ASIC2: variants seen among roughly 807,000 people sequenced by gnomAD.
The protein encoded by ASIC2 is acid sensing ion channel subunit 2.
Under a neutral mutation model 57.3 loss-of-function variants are expected in ASIC2, and 25 were observed. That is an observed-to-expected ratio of 0.44 (90% CI 0.32 to 0.61). The LOEUF (loss-of-function observed/expected upper bound fraction) is 0.61. Among genes scored for constraint, ASIC2 ranks in the 20% least tolerant of loss-of-function variants. The probability of loss-of-function intolerance (pLI) is 0.06; values close to 1 mark genes in which losing one functional copy is unlikely to be tolerated. For missense variants in ASIC2, 641 were observed against 738.1 expected (o/e 0.87, Z 1.52); for synonymous variants, 319 against 307.5 (o/e 1.04, Z -0.39).
chr17:34,093,296 A>T (rs1910399694), intron 1 of ASIC2, among the ~76,000 whole-genome samples: 1 of 152,106 alleles, frequency 6.6e-6, no homozygotes, highest in Non-Finnish European at 1.5e-5. Flanking sequence ...CTCCATGCTT[A>T]GACTCCTGTG....
chr17:34,025,380 A>T (rs947104686), intron 1 of ASIC2, among the ~76,000 whole-genome samples: 2 of 152,154 alleles, frequency 1.3e-5, no homozygotes, highest in Non-Finnish European at 2.9e-5. Flanking sequence ...ATACCTTAGA[A>T]AGTTGCACCC....
At chr17:33,053,070 G>A (rs984559016) in intron 3 of ASIC2, among the ~76,000 whole-genome samples, 2 of 152,334 alleles carry the variant, frequency 1.3e-5, no homozygotes, top group East Asian at 3.9e-4. Context: ...TGCAATGTGA[G>A]TGAGAAACAC....
chr17:33,313,750 C>A (rs891112441), intron 1 of ASIC2, among the ~76,000 whole-genome samples: 6 of 152,058 alleles, frequency 3.9e-5, no homozygotes, highest in African/African-American at 1.4e-4. Flanking sequence ...ATTACACATG[C>A]CGTTTGAAGA....
chr17:33,917,230 G>T (rs775681111), intron 1 of ASIC2, among the ~76,000 whole-genome samples: 3 of 151,988 alleles, frequency 2.0e-5, no homozygotes, highest in Non-Finnish European at 2.9e-5. Flanking sequence ...TTTCAATTTT[G>T]CTTTCCCTAC....
chr17:34,123,363 G>C (rs1911683113), intron 1 of ASIC2, among the ~76,000 whole-genome samples: 1 of 152,158 alleles, frequency 6.6e-6, no homozygotes, highest in Admixed American at 6.5e-5. Flanking sequence ...CGGCTCCACT[G>C]CAATGTCATT....
intron 1 of ASIC2, among the ~76,000 whole-genome samples, chr17:34,131,970 G>T (rs966324031): frequency 6.6e-6 from 1 of 152,102 alleles, no homozygotes; most frequent in Non-Finnish European, 1.5e-5. Context: ...GGACATTTTG[G>T]AAACTTTTGT....
intron 1 of ASIC2, among the ~76,000 whole-genome samples, chr17:33,333,932 C>T (rs1038441222): frequency 1.3e-5 from 2 of 152,188 alleles, no homozygotes; most frequent in Non-Finnish European, 2.9e-5. Flanking sequence ...AAACAAAAAG[C>T]CAGTTTGTGA....
chr17:33,829,048 C>T lies in ASIC2; in HGVS notation c.555+326930G>A, dbSNP rs115450032. Among the ~76,000 whole-genome samples, 712 of 152,266 alleles carry T rather than the reference C, an allele frequency of 4.7e-3. 6 individuals are homozygous for T. Among genetic ancestry groups the T allele is most frequent in the African/African-American group, 0.016 (685 of 41,548 alleles). On this transcript the variant is annotated intron_variant, in intron 1 of 9. Coordinates refer to the ASIC2 transcript ENST00000359872. ...GAGATGTGTGTGGTTTACTTAAAGC[C>T]AAAATGAACTACAACAACCACTAGT...
At chr17:33,373,884 G>T (rs1009821395) in intron 1 of ASIC2, among the ~76,000 whole-genome samples, 1 of 152,130 alleles carries the variant, frequency 6.6e-6, no homozygotes. Context: ...TGCCATGTTG[G>T]CCAGACTGCT....
At chr17:33,322,263 C>G (rs1779593774) in intron 1 of ASIC2, among the ~76,000 whole-genome samples, 1 of 152,164 alleles carries the variant, frequency 6.6e-6, no homozygotes, top group African/African-American at 2.4e-5. Context: ...AGGAATGAGT[C>G]TGAATCACCC....
At chr17:33,991,337 G>T (rs1450024044) in intron 1 of ASIC2, among the ~76,000 whole-genome samples, 1 of 152,182 alleles carries the variant, frequency 6.6e-6, no homozygotes, top group Admixed American at 6.5e-5. Context: ...CCCTGCTGGG[G>T]AGAGCCAGGA....
chr17:33,830,987 G>A (rs569140640), intron 1 of ASIC2, among the ~76,000 whole-genome samples: 1 of 151,528 alleles, frequency 6.6e-6, no homozygotes, highest in African/African-American at 2.4e-5. Context: ...GCATGCACCT[G>A]TAATCCCAGC....
chr17:33,128,710 G>A (rs2092334177), intron 1 of ASIC2, among the ~76,000 whole-genome samples: 1 of 152,190 alleles, frequency 6.6e-6, no homozygotes. Context: ...TGTGGGTGAG[G>A]TGCCTCTCTA....
intron 1 of ASIC2, among the ~76,000 whole-genome samples, chr17:33,228,906 G>T (rs1907986001): frequency 6.6e-6 from 1 of 152,238 alleles, no homozygotes; most frequent in African/African-American, 2.4e-5. Context: ...CCAGGAGCTG[G>T]ATCTCAGAGC....
intron 1 of ASIC2, among the ~76,000 whole-genome samples, chr17:33,780,779 C>A (rs1350062943): frequency 6.6e-6 from 1 of 152,122 alleles, no homozygotes; most frequent in Non-Finnish European, 1.5e-5. Flanking sequence ...GCGGGAGGGC[C>A]CTTCAGGGAG....
chr17:33,303,520 G>A (rs1288904002), intron 1 of ASIC2, among the ~76,000 whole-genome samples: 1 of 152,144 alleles, frequency 6.6e-6, no homozygotes, highest in Non-Finnish European at 1.5e-5. Flanking sequence ...ATTACACACC[G>A]ACAGCAACTA....
Position 33,527,890 on chromosome 17 carries a change from G to A in ASIC2, c.556-415823C>T, listed in dbSNP as rs1194402331. The stretch of plus-strand genomic sequence containing the variant: ...GGCCTCTGACTCCCATTGGACAGAG[G>A]GTAGGACTGGATTAGATGATCTTTA... On this transcript the variant is annotated intron_variant, in intron 1 of 9. Transcript: ENST00000359872. Among the ~76,000 whole-genome samples, 5 of 152,208 alleles carry A rather than the reference G, an allele frequency of 3.3e-5. No individual in the cohort carries two copies. The East Asian group carries it at 7.8e-4, about 24-fold the overall frequency.
intron 1 of ASIC2, among the ~76,000 whole-genome samples, chr17:34,009,041 A>G (rs1906623824): frequency 1.3e-5 from 2 of 151,964 alleles, no homozygotes. Flanking sequence ...TTTGAGACAG[A>G]GATTTGTTAA....
At chr17:34,049,552 A>G (rs1335267090) in intron 1 of ASIC2, among the ~76,000 whole-genome samples, 1 of 152,074 alleles carries the variant, frequency 6.6e-6, no homozygotes, top group South Asian at 2.1e-4. Flanking sequence ...GATCAAGCCC[A>G]TCCTCCCCAG....
Sources: allele counts gnomAD v4.1 joint callset (sites outside exome capture counted in the v4.1 genomes callset), GRCh38; gene constraint gnomAD v4.1.1; transcripts MANE v1.5; gene names NCBI Gene and HGNC (gene_info 2026-07-23, HGNC 2026-07-21).